The following PCNT variants were observed in gnomAD, a reference collection of about 807,000 sequenced individuals.
PCNT encodes the protein pericentrin.
In PCNT, 319 loss-of-function variants were observed where a neutral mutation model predicts 380.4. The observed-to-expected ratio is 0.84, with a 90% CI of 0.77 to 0.92. The LOEUF is 0.92. Ranked by LOEUF, PCNT falls within the 40% of genes least tolerant of loss-of-function variation. The pLI, the probability that PCNT is intolerant of heterozygous loss-of-function variation, is 0.00. For synonymous variants in PCNT, 1,845 were observed against 1,735.2 expected, an observed-to-expected ratio of 1.06 and a Z score of -1.57; for missense variants, 4,400 against 4,255.3, an observed-to-expected ratio of 1.03 and a Z score of -0.95.
intron 31 of PCNT, 128 bp downstream of exon 31, chr21:46,418,434 G>A: frequency 1.4e-6 from 1 of 700,376 alleles, no homozygotes; most frequent in Admixed American, 2.1e-5. Flanking sequence ...CCCCGGCTCT[G>A]CGCTTTGTCG....
At chr21:46,380,195 T>C (rs2085478384) in intron 15 of PCNT, among the ~76,000 whole-genome samples, 1 of 118,686 alleles carries the variant, frequency 8.4e-6, no homozygotes. Flanking sequence ...AGACAGAGTC[T>C]CTGTCGCCCA....
chr21:46,372,314 G>A (rs766314329), intron 15 of PCNT, among the ~76,000 whole-genome samples: 4 of 151,482 alleles, frequency 2.6e-5, no homozygotes, highest in East Asian at 1.9e-4. Context: ...TGTGCACACA[G>A]CACGCACACA....
At chr21:46,358,106 G>A (rs567607928) in intron 13 of PCNT, among the ~76,000 whole-genome samples, 23 of 152,232 alleles carry the variant, frequency 1.5e-4, no homozygotes, top group Non-Finnish European at 2.8e-4. Flanking sequence ...CGGAGCAGTG[G>A]AGTTAAAGTG....
chr21:46,362,778 A>G (rs961232257), intron 13 of PCNT, among the ~76,000 whole-genome samples: 1 of 151,800 alleles, frequency 6.6e-6, no homozygotes, highest in South Asian at 2.1e-4. Flanking sequence ...CCCTGTCTCT[A>G]TAAAGGATTG....
Position 46,363,679 on chromosome 21 carries a change from T to C in PCNT, c.2354T>C (p.Ile785Thr). ...REKAESEKQT[I>T]INKFELREAE... ...AAGGCTGAATCCGAGAAACAGACCA[T>C]CATAAACAAGTTTGAGCTTCGAGAA... is the stretch of plus-strand genomic sequence containing the variant. Residue 785 changes from isoleucine (I) to threonine (T), a missense_variant, in exon 14 of 47, where the codon ATC (isoleucine) becomes ACC (threonine). By Grantham distance (89) the Ile-to-Thr change is moderately conservative. Transcript: ENST00000359568. 4.3e-6 allele frequency: 7 copies of C among 1,614,188 alleles called. No individual in the cohort carries two copies. The highest frequency in any genetic ancestry group is 3.3e-5 in the South Asian group (3 of 91,088).
chr21:46,374,501 G>C (rs192056330), intron 15 of PCNT, among the ~76,000 whole-genome samples: 3 of 152,192 alleles, frequency 2.0e-5, no homozygotes, highest in South Asian at 2.1e-4. Context: ...CTTCTTGTAT[G>C]GTGGCCACTC....
At chr21:46,402,680 G>T (rs1363638195) in intron 27 of PCNT, among the ~76,000 whole-genome samples, 197 bp downstream of exon 27, 2 of 152,168 alleles carry the variant, frequency 1.3e-5, no homozygotes, top group Admixed American at 6.5e-5. Flanking sequence ...GGGATCTTGA[G>T]TGAGGAACCA....
At chr21:46,378,820 C>T (rs906386351) in intron 15 of PCNT, among the ~76,000 whole-genome samples, 3 of 152,188 alleles carry the variant, frequency 2.0e-5, no homozygotes, top group Non-Finnish European at 4.4e-5. Context: ...GCTAATGTAG[C>T]ATCATTCCCT....
intron 38 of PCNT, among the ~76,000 whole-genome samples, chr21:46,434,298 C>T (rs1601195907): frequency 6.6e-6 from 1 of 152,234 alleles, no homozygotes; most frequent in Non-Finnish European, 1.5e-5. Context: ...GAGTGAGGCG[C>T]TGTCAGGAGG....
At chr21:46,345,258 C>T (rs929832258) in intron 3 of PCNT, among the ~76,000 whole-genome samples, 2 of 152,056 alleles carry the variant, frequency 1.3e-5, no homozygotes, top group Admixed American at 1.3e-4. Context: ...CGCTCTGTTG[C>T]CCAGGATGGA....
chr21:46,431,296 C>A, intron 37 of PCNT: 5 of 1,397,612 alleles, frequency 3.6e-6, no homozygotes, highest in Non-Finnish European at 4.6e-6. Flanking sequence ...GGGAACATCT[C>A]TGAACCCAGG....
chr21:46,364,793 G>C (rs899619667), intron 14 of PCNT, among the ~76,000 whole-genome samples: 13 of 152,226 alleles, frequency 8.5e-5, no homozygotes, highest in African/African-American at 3.1e-4. Context: ...TCAGGGATTG[G>C]AGAAACTCAC....
chr21:46,419,848 C>G (rs922366117), intron 31 of PCNT, among the ~76,000 whole-genome samples: 8 of 152,188 alleles, frequency 5.3e-5, no homozygotes, highest in African/African-American at 1.7e-4. Flanking sequence ...TCAAGTCATC[C>G]TCCCACCTTA....
intron 41 of PCNT, 36 bp downstream of exon 41, chr21:46,438,373 C>G: frequency 6.3e-7 from 1 of 1,599,170 alleles, no homozygotes; most frequent in Non-Finnish European, 8.6e-7. Context: ...CTGCCTCAGC[C>G]TAACCCACCA....
intron 38 of PCNT, 135 bp from the exon 39 acceptor site, chr21:46,435,769 C>G: frequency 1.1e-6 from 1 of 916,174 alleles, no homozygotes; most frequent in Non-Finnish European, 1.7e-6. Context: ...GTCTCAATCT[C>G]CTGACCTCAT....
intron 11 of PCNT, among the ~76,000 whole-genome samples, chr21:46,355,235 G>A (rs1288130663): frequency 6.6e-6 from 1 of 152,238 alleles, no homozygotes; most frequent in Non-Finnish European, 1.5e-5. Context: ...ATTCTTGTAT[G>A]TCTTCCGGAG....
chr21:46,369,618 G>T (rs566677185), intron 15 of PCNT, among the ~76,000 whole-genome samples: 27 of 152,382 alleles, frequency 1.8e-4, no homozygotes, highest in African/African-American at 6.0e-4. Context: ...AGTTCTGAAA[G>T]AATATTCAGA....
In PCNT at chr21:46,412,857, G is replaced by C. The variant is rs1250398274; in HGVS notation, c.6015G>C (p.Leu2005=). 3 of 1,612,172 alleles carry C rather than the reference G, an allele frequency of 1.9e-6. No individual in the cohort carries two copies. Among genetic ancestry groups the C allele is most frequent in the African/African-American group, 2.7e-5 (2 of 74,936 alleles). Residue 2005 remains leucine (L), a synonymous_variant, in exon 29 of 47, where the codon CTG becomes CTC. Transcript: ENST00000359568. ...PDPQGDLQPV[L]VTLKDAPLCK... The stretch of plus-strand genomic sequence containing the variant: ...TCAAGGGTGATCTGCAGCCTGTCCT[G>C]GTGACGTTGAAGGATGCACCTCTCT...
rs571311098 is a variant in PCNT, at chr21:46,387,173, G to A, written c.3464+1190G>A. Among the ~76,000 whole-genome samples, 3 of 152,372 alleles carry A rather than the reference G, an allele frequency of 2.0e-5. No individual in the cohort carries two copies. The South Asian group carries it at 6.2e-4, about 32-fold the overall frequency. The stretch of plus-strand genomic sequence containing the variant: ...TATGGGACCCTCTGAGCTCACAGCT[G>A]TTTCTGGAGCATTGGTGTCTGTCAT... On this transcript the variant is annotated intron_variant, in intron 17 of 46. Coordinates refer to ENST00000359568, the MANE Select transcript of PCNT (RefSeq NM_006031.6).
Sources: gnomAD v4.1 joint callset for allele counts (sites outside exome capture counted in the v4.1 genomes callset) on GRCh38, gnomAD v4.1.1 for gene constraint, MANE v1.5 for transcripts, NCBI Gene and HGNC (gene_info 2026-07-23, HGNC 2026-07-21) for gene names.